PHKA1: variants seen among roughly 807,000 people sequenced by gnomAD.
PHKA1 encodes the protein phosphorylase b kinase regulatory subunit alpha, skeletal muscle isoform.
Under a neutral mutation model 110.2 loss-of-function variants are expected in PHKA1, and 60 were observed. The observed-to-expected ratio is 0.54, with a 90% CI of 0.44 to 0.68. PHKA1 has a LOEUF of 0.68. PHKA1 is among the 30% of genes least tolerant of loss of function. The probability of loss-of-function intolerance (pLI) is 0.00; values close to 1 mark genes in which losing one functional copy is unlikely to be tolerated. For missense variants in PHKA1, 801 were observed against 942.5 expected (o/e 0.85, Z 1.97); for synonymous variants, 316 against 333.6 (o/e 0.95, Z 0.58).
intron 29 of PHKA1, among the ~76,000 whole-genome samples, chrX:72,585,174 C>T (rs957946503): frequency 2.7e-5 from 3 of 110,881 alleles, no homozygotes; most frequent in African/African-American, 9.9e-5. Context: ...TTAGATACTT[C>T]ATTTTGTGGT....
At chrX:72,596,420 A>C (rs1276698370) in intron 28 of PHKA1, among the ~76,000 whole-genome samples, 1 of 111,751 alleles carries the variant, frequency 8.9e-6, no homozygotes, top group Non-Finnish European at 1.9e-5. Context: ...TACACTTAAA[A>C]ATTTTTTAAA....
intron 29 of PHKA1, among the ~76,000 whole-genome samples, chrX:72,590,667 C>CA (rs1385258123): frequency 8.9e-5 from 10 of 112,028 alleles, no homozygotes; most frequent in African/African-American, 2.6e-4. Context: ...ACCCATCTGA[C>CA]AAAGGGCTAA....
intron 22 of PHKA1, 23 bp from the exon 23 acceptor site, chrX:72,609,726 T>C: frequency 9.0e-7 from 1 of 1,106,043 alleles, no homozygotes; most frequent in East Asian, 3.0e-5. Context: ...AGCATAATAT[T>C]ATCGTTTCTG....
chrX:72,607,834 G>A (rs1437352489), intron 23 of PHKA1, among the ~76,000 whole-genome samples: 5 of 110,972 alleles, frequency 4.5e-5, no homozygotes, highest in African/African-American at 1.6e-4. Flanking sequence ...CATCTTCAAG[G>A]CTCTCATCTC....
chrX:72,657,141 G>A (rs1415079010), intron 9 of PHKA1, among the ~76,000 whole-genome samples: 1 of 111,950 alleles, frequency 8.9e-6, no homozygotes, highest in Non-Finnish European at 1.9e-5. Context: ...TAAAGGGAAC[G>A]TAAACTTTTC....
At chrX:72,683,447 C>T (rs1029525014) in intron 5 of PHKA1, among the ~76,000 whole-genome samples, 1 of 111,686 alleles carries the variant, frequency 9.0e-6, no homozygotes, top group Non-Finnish European at 1.9e-5. Flanking sequence ...GAAATGGAAA[C>T]ACAGATTCAA....
At chrX:72,635,345 T>A (rs2053218048) in intron 15 of PHKA1, 46 bp from the exon 16 acceptor site, 3 of 1,110,091 alleles carry the variant, frequency 2.7e-6, no homozygotes, top group Non-Finnish European at 3.7e-6. Flanking sequence ...ACTCTCACAA[T>A]TATCAAGTAA....
At chrX:72,611,397 T>C (rs781809888) in intron 21 of PHKA1, among the ~76,000 whole-genome samples, 1 of 112,145 alleles carries the variant, frequency 8.9e-6, no homozygotes, top group African/African-American at 3.2e-5. Flanking sequence ...TTAGCTGTGC[T>C]TTTGACAAAA....
At chrX:72,659,844 C>T (rs2053539882) in intron 8 of PHKA1, among the ~76,000 whole-genome samples, 1 of 112,207 alleles carries the variant, frequency 8.9e-6, no homozygotes, top group African/African-American at 3.2e-5. Context: ...GTTGCAATTA[C>T]TCAGATCTGC....
At chrX:72,674,551 T>C (rs1556310782) in intron 6 of PHKA1, among the ~76,000 whole-genome samples, 1 of 112,129 alleles carries the variant, frequency 8.9e-6, no homozygotes, top group African/African-American at 3.2e-5. Context: ...ATTTCTCTGA[T>C]GGCCAGTGAT....
intron 3 of PHKA1, among the ~76,000 whole-genome samples, chrX:72,704,783 G>A (rs1307355207): frequency 9.0e-6 from 1 of 111,253 alleles, no homozygotes; most frequent in Non-Finnish European, 1.9e-5. Flanking sequence ...TAGAGACAAC[G>A]CTTCGCCATG....
chrX:72,631,128 T>C (rs2053160731), intron 16 of PHKA1, among the ~76,000 whole-genome samples: 2 of 108,563 alleles, frequency 1.8e-5, no homozygotes, highest in Non-Finnish European at 3.8e-5. Context: ...ATCTCAGTTA[T>C]TATATTTTTC....
At position 72,579,096 on chromosome X, in the gene PHKA1, G is replaced by T. The variant is rs782553783; in HGVS notation, c.*1906C>A. On this transcript the variant is annotated 3_prime_UTR_variant, in exon 32 of 32. Coordinates refer to ENST00000373542, the MANE Select transcript of PHKA1 (RefSeq NM_002637.4). ...GTGGGAAGGAGTGGATCTTTTGCCT[G>T]TGGCACTACAGATATACTCCCTGAG... is the stretch of plus-strand genomic sequence containing the variant. 2 of 111,994 alleles carry T rather than the reference G, an allele frequency of 1.8e-5. No homozygotes were observed. The highest frequency in any genetic ancestry group is 3.2e-5 in the African/African-American group (1 of 30,786). The allele number at this position is 111,994 out of a possible 1,213,427, so 9.2% of individuals were successfully genotyped here.
At chrX:72,650,295 T>TATAA (rs2053414004) in intron 13 of PHKA1, 95 bp downstream of exon 13, 2 of 695,130 alleles carry the variant, frequency 2.9e-6, no homozygotes, top group East Asian at 6.7e-5. Context: ...AAGTGCAACA[T>TATAA]ATAGAATAAA....
At chrX:72,655,685 C>T (rs1242864288) in intron 10 of PHKA1, among the ~76,000 whole-genome samples, 1 of 110,180 alleles carries the variant, frequency 9.1e-6, no homozygotes, top group South Asian at 4.0e-4. Context: ...TGCAGTGGCG[C>T]GATCTTGGCT....
Position 72,603,128 on chromosome X carries a change from C to T in PHKA1, c.2908G>A (p.Glu970Lys). The change falls in exon 26 of 32, where the codon GAA (glutamate) becomes AAA (lysine). Residue 970 changes from glutamate (E) to lysine (K), a missense_variant. Transcript: ENST00000373542. ...AGTTATTCAATCTCACCGCTTCGTT[C>T]CACTCCAAACTCCTTGCCGCTGAGA... is the stretch of plus-strand genomic sequence containing the variant. Reference protein sequence around the residue: ...HILSGKEFGVERSVRPTDSNV... With the variant: ...HILSGKEFGVKRSVRPTDSNV... The T allele has an allele frequency of 8.4e-7, 1 of 1,186,017 alleles. No individual in the cohort carries two copies. The highest frequency in any genetic ancestry group is 1.7e-5 in the African/African-American group (1 of 57,325).
Position 72,671,023 on chromosome X carries a change from A to C in PHKA1, c.619-3550T>G, listed in dbSNP as rs1235686576. Among the ~76,000 whole-genome samples, 5 of 111,863 alleles carry C rather than the reference A, an allele frequency of 4.5e-5. No individual in the cohort carries two copies. The South Asian group carries it at 1.1e-3, about 26-fold the overall frequency. ...AGGAAGCATTCCCTTTGAAAACTGG[A>C]ACAAGACAGGGATGCCCTCTCTGAC... On this transcript the variant is annotated intron_variant, in intron 6 of 31. Coordinates refer to ENST00000373542, the MANE Select transcript of PHKA1 (RefSeq NM_002637.4).
intron 9 of PHKA1, among the ~76,000 whole-genome samples, chrX:72,657,167 T>C (rs2053506340): frequency 8.9e-6 from 1 of 112,251 alleles, no homozygotes. Flanking sequence ...CAAGTACTGT[T>C]TAGAACTAAC....
intron 17 of PHKA1, 71 bp downstream of exon 17, chrX:72,626,900 G>A (rs782115276): frequency 1.1e-3 from 861 of 804,853 alleles, no homozygotes; most frequent in Middle Eastern, 2.2e-3. Flanking sequence ...AGGCATCACA[G>A]GTATGCCACT....
Sources: allele counts gnomAD v4.1 joint callset (sites outside exome capture counted in the v4.1 genomes callset), GRCh38; gene constraint gnomAD v4.1.1; transcripts MANE v1.5; gene names NCBI Gene and HGNC (gene_info 2026-07-23, HGNC 2026-07-21).